The following KLHL12 variants were observed in gnomAD, a reference collection of about 807,000 sequenced individuals.
KLHL12 encodes the protein kelch like family member 12, also known as kelch-like protein 12.
KLHL12 carries 17 observed loss-of-function variants against 60.8 expected under a neutral mutation model. The observed-to-expected ratio is 0.28, with a 90% confidence interval of 0.19 to 0.42. KLHL12 has a LOEUF of 0.42. Among genes scored for constraint, KLHL12 ranks in the 10% least tolerant of loss-of-function variants. The pLI is 1.00. For synonymous variants in KLHL12, 220 were observed against 250.9 expected (o/e 0.88, Z 1.16); for missense variants, 468 against 722.3 (o/e 0.65, Z 4.04).
chr1:202,896,859 A>C lies in KLHL12; in HGVS notation c.934T>G (p.Leu312Val), dbSNP rs754787664. ...ATGGTTTCACCATTATTTACTGGCAAAAAGCTCCACTCCTGAGTCTTGGGG... is the reference window on the plus strand; with the variant it reads ...ATGGTTTCACCATTATTTACTGGCACAAAGCTCCACTCCTGAGTCTTGGGG... The part of the protein sequence containing the change: ...YDPKTQEWSF[L>V]PSITRKRRYV... The change falls in exon 7 of 12, where the codon TTG becomes GTG. Residue 312 changes from leucine (L) to valine (V), a missense_variant. Around this residue, in one of 4 missense-constraint regions of KLHL12, gnomAD observed 339 missense variants for 525.0 expected, o/e 0.65. Coordinates refer to ENST00000367261, the MANE Select transcript of KLHL12 (RefSeq NM_021633.4). 3 of 1,612,864 alleles carry C rather than the reference A, an allele frequency of 1.9e-6. No homozygotes were observed.
intron 6 of KLHL12, among the ~76,000 whole-genome samples, chr1:202,903,067 G>A (rs976931690): frequency 2.0e-5 from 3 of 150,804 alleles, no homozygotes; most frequent in Admixed American, 6.6e-5. Context: ...AGGCTGAGGT[G>A]GGAGGATTGC....
chr1:202,925,684 A>G (rs958440707), intron 1 of KLHL12, among the ~76,000 whole-genome samples: 3 of 152,256 alleles, frequency 2.0e-5, no homozygotes, highest in Admixed American at 6.5e-5. Flanking sequence ...AATTTAATGT[A>G]AGAAAAAGTG....
intron 2 of KLHL12, among the ~76,000 whole-genome samples, chr1:202,922,195 T>C (rs887064984): frequency 3.3e-5 from 5 of 152,204 alleles, no homozygotes; most frequent in East Asian, 1.9e-4. Context: ...TTTTTCAGCA[T>C]GCTTCTCATT....
At chr1:202,900,746 C>T (rs1337491014) in intron 6 of KLHL12, among the ~76,000 whole-genome samples, 1 of 152,096 alleles carries the variant, frequency 6.6e-6, no homozygotes, top group Non-Finnish European at 1.5e-5. Context: ...CACCTGTAGT[C>T]CCAGCTACTT....
intron 4 of KLHL12, among the ~76,000 whole-genome samples, chr1:202,911,520 C>T (rs1660359364): frequency 6.6e-6 from 1 of 151,950 alleles, no homozygotes; most frequent in Non-Finnish European, 1.5e-5. Flanking sequence ...CACGTATTGG[C>T]CTTCGTTTCA....
Position 202,909,797 on chromosome 1 carries a change from A to G in KLHL12, c.718-673T>C, listed in dbSNP as rs1660302610. The stretch of plus-strand genomic sequence containing the variant: ...ACTCTACACGATTCTCTTTCCTTTA[A>G]GGTTCTAGTAACCACTCCTCAACCT... On this transcript the variant is annotated intron_variant, in intron 5 of 11. Coordinates refer to ENST00000367261, the MANE Select transcript of KLHL12 (RefSeq NM_021633.4). The surrounding 1 kb of genome is among the most constrained non-coding windows in gnomAD (Gnocchi z 4.1). Among the ~76,000 whole-genome samples the G allele has an allele frequency of 6.6e-6, 1 of 152,178 alleles. No homozygotes were observed. The highest frequency in any genetic ancestry group is 2.1e-4 in the South Asian group (1 of 4,828).
chr1:202,916,877 G>A (rs903750344), intron 4 of KLHL12, among the ~76,000 whole-genome samples: 1 of 151,770 alleles, frequency 6.6e-6, no homozygotes, highest in Admixed American at 6.6e-5. Context: ...AGGAGGATGA[G>A]GTGGGAGAGC....
intron 4 of KLHL12, among the ~76,000 whole-genome samples, chr1:202,916,315 C>T (rs1426378301): frequency 6.6e-6 from 1 of 152,188 alleles, no homozygotes; most frequent in Non-Finnish European, 1.5e-5. Context: ...TCAGAACAGT[C>T]ACTAGAGAAA....
upstream of KLHL12, chr1:202,928,548 A>C (rs1173135845): frequency 7.7e-7 from 1 of 1,304,150 alleles, no homozygotes; most frequent in African/African-American, 1.5e-5. Context: ...ATTCACGTCC[A>C]TTGTCCACAA....
At chr1:202,913,252 T>C (rs1660418990) in intron 4 of KLHL12, among the ~76,000 whole-genome samples, 2 of 152,182 alleles carry the variant, frequency 1.3e-5, no homozygotes, top group South Asian at 4.1e-4. Flanking sequence ...TGGAAGGACT[T>C]AGGTATATAA....
At chr1:202,894,772 A>C (rs1659781162) in intron 8 of KLHL12, 23 bp from the exon 9 acceptor site, 1 of 1,587,792 alleles carries the variant, frequency 6.3e-7, no homozygotes, top group East Asian at 2.2e-5. Context: ...AACAAATTAC[A>C]GACTATTAGA....
chr1:202,920,431 C>T (rs576565346), intron 2 of KLHL12, among the ~76,000 whole-genome samples: 4 of 113,126 alleles, frequency 3.5e-5, no homozygotes, highest in East Asian at 2.8e-4. Flanking sequence ...GGCTGGAGTG[C>T]AGTGGTGCCA....
chr1:202,926,003 G>C (rs780477477), intron 1 of KLHL12, among the ~76,000 whole-genome samples: 15 of 151,442 alleles, frequency 9.9e-5, no homozygotes, highest in Non-Finnish European at 1.5e-4. Flanking sequence ...TACCAAGAAG[G>C]CTGAGGCCCG....
At position 202,909,628 on chromosome 1, in the gene KLHL12, C is replaced by T. The variant is rs772397033; in HGVS notation, c.718-504G>A. 1.8e-4 allele frequency among the ~76,000 whole-genome samples: 28 copies of T among 152,088 alleles called. No homozygotes were observed. The highest frequency in any genetic ancestry group is 5.2e-4 in the Admixed American group (8 of 15,256). On this transcript the variant is annotated intron_variant, in intron 5 of 11. Transcript: ENST00000367261. This position sits in a 1 kb window ranked among gnomAD's most constrained non-coding sequence, Gnocchi z 4.1. Reference sequence around the variant, plus strand: ...GTACTGGACATCTTTCATTTGCCTCCCAACTCACTCTGTACCTTTTTCCAC... The same window carrying T: ...GTACTGGACATCTTTCATTTGCCTCTCAACTCACTCTGTACCTTTTTCCAC...
At chr1:202,918,036 G>A in intron 4 of KLHL12, 135 bp downstream of exon 4, 1 of 694,046 alleles carries the variant, frequency 1.4e-6, no homozygotes, top group South Asian at 1.8e-5. Context: ...ATTTGGTACA[G>A]GAGGGGTTAA....
At chr1:202,924,222 T>C (rs925160783) in intron 2 of KLHL12, among the ~76,000 whole-genome samples, 2 of 152,176 alleles carry the variant, frequency 1.3e-5, no homozygotes, top group Non-Finnish European at 2.9e-5. Flanking sequence ...AAGCCAACCT[T>C]TTCCTAATTC....
intron 2 of KLHL12, among the ~76,000 whole-genome samples, chr1:202,920,155 A>T (rs1050163668): frequency 6.6e-6 from 1 of 151,738 alleles, no homozygotes; most frequent in African/African-American, 2.4e-5. Flanking sequence ...CTCCACTAGA[A>T]ATACAAAAAT....
At position 202,893,186 on chromosome 1, in the gene KLHL12, T is replaced by C. The variant is rs1169536857; in HGVS notation, c.1580+53A>G. The C allele has an allele frequency of 1.4e-6, 2 of 1,427,312 alleles. No individual in the cohort carries two copies. The highest frequency in any genetic ancestry group is 1.9e-6 in the Non-Finnish European group (2 of 1,048,730). The allele number at this position is 1,427,312 out of a possible 1,614,324, so 88.4% of individuals were successfully genotyped here. ...GTCCAAAAATGAGGATCAGATCACA[T>C]AGACTCTTGCTCTGGCTACATATTG... On this transcript the variant is annotated intron_variant, in intron 11 of 11. Transcript: ENST00000367261. This position sits in a 1 kb window ranked among gnomAD's most constrained non-coding sequence, Gnocchi z 4.1.
upstream of KLHL12, chr1:202,927,314 G>A: frequency 1.0e-6 from 1 of 974,090 alleles, no homozygotes; most frequent in Non-Finnish European, 1.2e-6. Context: ...TGCGTCACGT[G>A]AGGAGGTGGT....
Sources: gnomAD v4.1 joint callset for allele counts (sites outside exome capture counted in the v4.1 genomes callset) on GRCh38, gnomAD v4.1.1 for gene constraint, gnomAD v4.1.1 regional missense constraint, Gnocchi (gnomAD v3.1) non-coding constraint, MANE v1.5 for transcripts, NCBI Gene and HGNC (gene_info 2026-07-23, HGNC 2026-07-21) for gene names.